Variants in MAP4K4 observed in about 807,000 individuals in gnomAD.
The protein encoded by MAP4K4 is mitogen-activated protein kinase kinase kinase kinase 4.
MAP4K4 carries 38 observed loss-of-function variants against 189.6 expected under a neutral mutation model. The observed-to-expected ratio is 0.20, with a 90% CI of 0.15 to 0.26. The LOEUF is 0.26. Among genes scored for constraint, MAP4K4 ranks in the 10% least tolerant of loss-of-function variants. The pLI is 1.00. For missense variants in MAP4K4, 1,054 were observed against 1,726.9 expected (o/e 0.61, Z 6.91); for synonymous variants, 610 against 624.3 (o/e 0.98, Z 0.34).
chr2:101,784,519 TAAAAG>T (rs1384744808), intron 2 of MAP4K4, among the ~76,000 whole-genome samples: 3 of 152,116 alleles, frequency 2.0e-5, no homozygotes, highest in African/African-American at 7.2e-5. Context: ...ACTCAGCAGA[TAAAAG>T]GAAGCATTAA....
intron 2 of MAP4K4, among the ~76,000 whole-genome samples, chr2:101,737,462 T>TATATATATATA (rs1553406708): frequency 8.8e-5 from 2 of 22,782 alleles, no homozygotes; most frequent in Non-Finnish European, 1.6e-4. Flanking sequence ...TATATATATA[T>TATATATATATA]TTTTTTTTTT....
At chr2:101,829,917 A>G (rs888366245) in intron 6 of MAP4K4, among the ~76,000 whole-genome samples, 3 of 152,310 alleles carry the variant, frequency 2.0e-5, no homozygotes, top group African/African-American at 7.2e-5. Context: ...CCTTGCCCAT[A>G]AAAAGCCATG....
At chr2:101,860,521 T>G (rs1265163978) in intron 15 of MAP4K4, 3 of 230,310 alleles carry the variant, frequency 1.3e-5, no homozygotes, top group Non-Finnish European at 2.5e-5. Context: ...TCTGTTGGTT[T>G]AGTTGCTTGT....
At chr2:101,815,134 AAAGT>A (rs2095643899) in intron 3 of MAP4K4, among the ~76,000 whole-genome samples, 1 of 152,254 alleles carries the variant, frequency 6.6e-6, no homozygotes, top group African/African-American at 2.4e-5. Flanking sequence ...GATTGGATCA[AAAGT>A]AAGTTGATTT....
intron 3 of MAP4K4, among the ~76,000 whole-genome samples, chr2:101,802,904 G>A (rs1257819390): frequency 6.6e-6 from 1 of 152,068 alleles, no homozygotes; most frequent in African/African-American, 2.4e-5. Context: ...TTCAGCCTCA[G>A]CCTCCCAAGT....
rs1222063175 is a variant in MAP4K4, at chr2:101,844,927, G to GTAAAA, written c.1233+632_1233+636dup. 3.3e-5 allele frequency among the ~76,000 whole-genome samples: 5 copies of GTAAAA among 152,004 alleles called. No individual in the cohort carries two copies. The South Asian group carries it at 8.3e-4, about 25-fold the overall frequency. On this transcript the variant is annotated intron_variant, in intron 12 of 32. Transcript: ENST00000324219. ...TCTGCAGTGTATCCCAGAACTTAAA[G>GTAAAA]TAAAATAAAATAAAATAAAAAAGAT...
At position 101,825,184 on chromosome 2, in the gene MAP4K4, G is replaced by C. The variant is rs901993918; in HGVS notation, c.307-135G>C. 31 of 575,212 alleles carry C rather than the reference G, an allele frequency of 5.4e-5. 1 individual carries two copies. The highest frequency in any genetic ancestry group is 9.1e-5 in the Non-Finnish European group (29 of 319,868). The allele number at this position is 575,212 out of a possible 1,614,324, so 35.6% of individuals were successfully genotyped here. A position where few individuals can be genotyped will look rare whatever the true frequency, so the allele number is the denominator to read the frequency against. ...GAAATGAGCTTTCAGTTATTTAGGT[G>C]CCTCCAAATTATTATGAATTATTGA... On this transcript the variant is annotated intron_variant, in intron 4 of 32. Transcript: ENST00000324219.
At position 101,844,435 on chromosome 2, in the gene MAP4K4, T is replaced by C. The variant is rs916502213; in HGVS notation, c.1233+124T>C. On this transcript the variant is annotated intron_variant, in intron 12 of 32. Transcript: ENST00000324219. ...GGTAATACTTATCCCCTGGCACAGC[T>C]GTTTACATAACTTGTGAAAGAAAGC... is the stretch of plus-strand genomic sequence containing the variant. 11 of 744,500 alleles carry C rather than the reference T, an allele frequency of 1.5e-5. No individual in the cohort carries two copies. The Admixed American group carries it at 2.3e-4, about 16-fold the overall frequency. 46.1% of individuals were successfully genotyped at this position (744,500 alleles called of 1,614,324 possible).
At chr2:101,847,424 G>A (rs1017715060) in intron 12 of MAP4K4, among the ~76,000 whole-genome samples, 4 of 152,180 alleles carry the variant, frequency 2.6e-5, no homozygotes, top group Admixed American at 1.3e-4. Context: ...GATGACAGCT[G>A]ACAGCTCCAT....
At chr2:101,846,313 A>G (rs1042963971) in intron 12 of MAP4K4, among the ~76,000 whole-genome samples, 1 of 151,814 alleles carries the variant, frequency 6.6e-6, no homozygotes, top group African/African-American at 2.4e-5. Flanking sequence ...GAGTTTTGAG[A>G]CTCTGGCTGT....
At chr2:101,767,590 T>C (rs1270097968) in intron 2 of MAP4K4, among the ~76,000 whole-genome samples, 1 of 152,212 alleles carries the variant, frequency 6.6e-6, no homozygotes, top group African/African-American at 2.4e-5. Flanking sequence ...CCTCAGAAAG[T>C]ACACCAGTGC....
chr2:101,833,672 A>G (rs182192287), intron 7 of MAP4K4, among the ~76,000 whole-genome samples: 9 of 152,236 alleles, frequency 5.9e-5, no homozygotes, highest in Non-Finnish European at 5.9e-5. Flanking sequence ...ATATCAGGCA[A>G]TGTTTAGTGA....
intron 9 of MAP4K4, among the ~76,000 whole-genome samples, chr2:101,838,713 A>G (rs181245181): frequency 1.3e-5 from 2 of 152,374 alleles, no homozygotes; most frequent in African/African-American, 4.8e-5. Context: ...ACATAAACAA[A>G]TGCAAATAGT....
At chr2:101,842,948 G>A (rs2096964975) in intron 11 of MAP4K4, among the ~76,000 whole-genome samples, 1 of 152,136 alleles carries the variant, frequency 6.6e-6, no homozygotes, top group African/African-American at 2.4e-5. Context: ...GCAGGGGAGA[G>A]TGCCCCAGCA....
intron 2 of MAP4K4, among the ~76,000 whole-genome samples, chr2:101,787,047 T>G (rs745987642): frequency 6.6e-6 from 1 of 152,202 alleles, no homozygotes; most frequent in South Asian, 2.1e-4. Context: ...ATGCTAGGTA[T>G]GTATATTTAA....
At chr2:101,714,535 C>T (rs1388098642) in intron 2 of MAP4K4, among the ~76,000 whole-genome samples, 1 of 152,152 alleles carries the variant, frequency 6.6e-6, no homozygotes, top group Non-Finnish European at 1.5e-5. Context: ...AATAATTTTA[C>T]TTTCTCCAAA....
chr2:101,862,975 A>G (rs1183992571), intron 16 of MAP4K4, among the ~76,000 whole-genome samples: 1 of 152,214 alleles, frequency 6.6e-6, no homozygotes, highest in Non-Finnish European at 1.5e-5. Context: ...TTGAACAATC[A>G]TTTTAGAACA....
At chr2:101,708,617 G>A (rs1456803347) in intron 2 of MAP4K4, among the ~76,000 whole-genome samples, 1 of 152,094 alleles carries the variant, frequency 6.6e-6, no homozygotes, top group Admixed American at 6.5e-5. Context: ...CAGCTTTATT[G>A]AAGTATGTTT....
At chr2:101,756,975 A>T (rs971453703) in intron 2 of MAP4K4, among the ~76,000 whole-genome samples, 2 of 152,284 alleles carry the variant, frequency 1.3e-5, no homozygotes, top group Middle Eastern at 6.8e-3. Context: ...TTTGGGAAAG[A>T]TCTTTAACAC....
Sources: gnomAD v4.1 joint callset for allele counts (sites outside exome capture counted in the v4.1 genomes callset) on GRCh38, gnomAD v4.1.1 for gene constraint, MANE v1.5 for transcripts, NCBI Gene and HGNC (gene_info 2026-07-23, HGNC 2026-07-21) for gene names.